The following FBXO34 variants were observed in gnomAD, a reference collection of about 807,000 sequenced individuals.
The protein encoded by FBXO34 is F-box protein 34, also known as F-box only protein 34.
In FBXO34, 12 loss-of-function variants were observed where a neutral mutation model predicts 24.5. The observed-to-expected ratio is 0.49, with a 90% CI of 0.31 to 0.79. The LOEUF (loss-of-function observed/expected upper bound fraction) is 0.79, where lower values mean the gene tolerates loss of function less well. FBXO34 is among the 30% of genes least tolerant of loss of function. The pLI is 0.04. For synonymous variants in FBXO34, 320 were observed against 311.9 expected, an observed-to-expected ratio of 1.03 and a Z score of -0.27; for missense variants, 823 against 857.7, an observed-to-expected ratio of 0.96 and a Z score of 0.51.
the FBXO34 span, among the ~76,000 whole-genome samples, chr14:55,409,412 G>A: frequency 6.6e-6 from 1 of 152,184 alleles, no homozygotes; most frequent in Non-Finnish European, 1.5e-5. Flanking sequence ...ATATCACTGG[G>A]GTGGGGGCAG....
chr14:55,287,388 C>T (rs1282439689), intron 1 of FBXO34, among the ~76,000 whole-genome samples: 1 of 152,030 alleles, frequency 6.6e-6, no homozygotes, highest in East Asian at 1.9e-4. Flanking sequence ...TTATATGATA[C>T]TGATAAGCAG....
At chr14:55,347,867 A>G (rs188737633) in intron 1 of FBXO34, among the ~76,000 whole-genome samples, 2 of 152,380 alleles carry the variant, frequency 1.3e-5, no homozygotes, top group African/African-American at 2.4e-5. Context: ...AAATTTATTC[A>G]TAGATACTGT....
chr14:55,334,785 T>G (rs1046577857), intron 1 of FBXO34, among the ~76,000 whole-genome samples: 1 of 152,194 alleles, frequency 6.6e-6, no homozygotes, highest in Non-Finnish European at 1.5e-5. Context: ...TTGGTATTTT[T>G]GGGTGGCAGA....
the FBXO34 span, among the ~76,000 whole-genome samples, chr14:55,431,102 C>T: frequency 3.9e-4 from 60 of 152,312 alleles, no homozygotes; most frequent in Non-Finnish European, 5.6e-4. Context: ...ACTTTTCCTA[C>T]GCAAACACAG....
chr14:55,301,256 G>A (rs1039469059), intron 1 of FBXO34, among the ~76,000 whole-genome samples: 1 of 152,168 alleles, frequency 6.6e-6, no homozygotes, highest in African/African-American at 2.4e-5. Context: ...GGGCAACACA[G>A]TGAGACCTCC....
chr14:55,284,934 G>T (rs992812412), intron 1 of FBXO34, among the ~76,000 whole-genome samples: 9 of 149,514 alleles, frequency 6.0e-5, no homozygotes, highest in African/African-American at 2.2e-4. Context: ...GGTTCTTACT[G>T]CAGTTGTCTT....
the FBXO34 span, among the ~76,000 whole-genome samples, chr14:55,387,794 G>A: frequency 6.6e-6 from 1 of 151,876 alleles, no homozygotes; most frequent in African/African-American, 2.4e-5. Context: ...CCAGCATCCT[G>A]AGTAGCTAGG....
chr14:55,296,312 A>C (rs1882118793), intron 1 of FBXO34, among the ~76,000 whole-genome samples: 1 of 150,604 alleles, frequency 6.6e-6, no homozygotes, highest in Admixed American at 6.6e-5. Context: ...GTAACTGTAT[A>C]GCTGGACAGG....
chr14:55,294,564 T>TATA (rs1211724587), intron 1 of FBXO34, among the ~76,000 whole-genome samples: 1 of 152,204 alleles, frequency 6.6e-6, no homozygotes, highest in Non-Finnish European at 1.5e-5. Flanking sequence ...ATTTGCTATA[T>TATA]GTGTGAAGAG....
At position 55,306,379 on chromosome 14, in the gene FBXO34, T is replaced by C. The variant is rs566926951; in HGVS notation, c.-11+34842T>C. ...TGTTTGTGAAACAAGTGGTTTTCTT[T>C]AGAGTTGCAATGCTTATATGTTTTT... On this transcript the variant is annotated intron_variant, in intron 1 of 1. Coordinates refer to ENST00000313833, the MANE Select transcript of FBXO34 (RefSeq NM_017943.4). Among the ~76,000 whole-genome samples, 39 of 152,366 alleles carry C rather than the reference T, an allele frequency of 2.6e-4. 1 individual carries two copies. In the South Asian group the frequency reaches 7.5e-3, roughly 29 times the overall value.
chr14:55,422,451 A>G, the FBXO34 span, among the ~76,000 whole-genome samples: 1 of 152,000 alleles, frequency 6.6e-6, no homozygotes, highest in Non-Finnish European at 1.5e-5. Flanking sequence ...GGGTTTCACC[A>G]TGTTGGCCAG....
chr14:55,440,020 A>T, the FBXO34 span, among the ~76,000 whole-genome samples: 2 of 151,616 alleles, frequency 1.3e-5, no homozygotes, highest in African/African-American at 2.4e-5. Context: ...GAATCGCTTG[A>T]ACCCAGGAGG....
At chr14:55,342,622 A>G (rs1028819838) in intron 1 of FBXO34, among the ~76,000 whole-genome samples, 8 of 152,144 alleles carry the variant, frequency 5.3e-5, no homozygotes, top group Admixed American at 6.5e-5. Context: ...TGGAGGGGGA[A>G]GTCTTTTCTT....
intron 1 of FBXO34, among the ~76,000 whole-genome samples, chr14:55,307,163 G>A (rs1335996529): frequency 6.6e-6 from 1 of 152,182 alleles, no homozygotes. Flanking sequence ...TGCAGTTATG[G>A]CTACAAATAA....
the FBXO34 span, chr14:55,395,947 T>A: frequency 6.3e-7 from 1 of 1,593,530 alleles, no homozygotes; most frequent in Non-Finnish European, 8.5e-7. Flanking sequence ...TACCAACTGA[T>A]CTGTTATCCA....
chr14:55,418,253 G>A, the FBXO34 span, among the ~76,000 whole-genome samples: 3 of 152,146 alleles, frequency 2.0e-5, no homozygotes. Context: ...CCAGCCCCCA[G>A]CACATTACAA....
intron 3 of FBXO34, among the ~76,000 whole-genome samples, chr14:55,361,526 T>G (rs1884595391): frequency 6.6e-6 from 1 of 152,216 alleles, no homozygotes. Context: ...TAGCCCCTAA[T>G]GAGAGAGTCA....
intron 1 of FBXO34, among the ~76,000 whole-genome samples, chr14:55,312,988 C>G (rs115722821): frequency 0.014 from 2,151 of 152,214 alleles, 59 homozygotes; most frequent in African/African-American, 0.049. Flanking sequence ...ATGGTTTTTT[C>G]TTTTCTGTCA....
chr14:55,431,766 T>C, the FBXO34 span, among the ~76,000 whole-genome samples: 4 of 152,218 alleles, frequency 2.6e-5, no homozygotes, highest in Non-Finnish European at 2.9e-5. Context: ...TTATCTTACA[T>C]TGAAACAAAA....
Sources: allele counts gnomAD v4.1 joint callset (sites outside exome capture counted in the v4.1 genomes callset), GRCh38; gene constraint gnomAD v4.1.1; transcripts MANE v1.5; gene names NCBI Gene and HGNC (gene_info 2026-07-23, HGNC 2026-07-21).